PTCHD4: variants seen among roughly 807,000 people sequenced by gnomAD.
PTCHD4 encodes the protein patched domain containing 4.
Under a neutral mutation model 58.1 loss-of-function variants are expected in PTCHD4, and 33 were observed. The ratio of observed to expected loss-of-function variants is 0.57; its 90% CI spans 0.43 to 0.76. PTCHD4 has a LOEUF of 0.76. Ranked by LOEUF, PTCHD4 falls within the 30% of genes least tolerant of loss-of-function variation. PTCHD4 has a pLI of 0.00. For missense variants in PTCHD4, 1,058 were observed against 1,027.1 expected, an observed-to-expected ratio of 1.03 and a Z score of -0.41; for synonymous variants, 478 against 409.6, an observed-to-expected ratio of 1.17 and a Z score of -2.02.
Position 47,913,108 on chromosome 6 carries a change from C to T in PTCHD4, c.899-33172G>A, listed in dbSNP as rs1421737402. On this transcript the variant is annotated intron_variant, in intron 4 of 4. Coordinates refer to ENST00000339488, the MANE Select transcript of PTCHD4 (RefSeq NM_001384253.1). Reference sequence around the variant, plus strand: ...CTGTCATTCTGTTTGGATCCTGGGTCCAGTCCTGGCCCTACCCCATATTGG... The same window carrying T: ...CTGTCATTCTGTTTGGATCCTGGGTTCAGTCCTGGCCCTACCCCATATTGG... 2.0e-5 allele frequency among the ~76,000 whole-genome samples: 3 copies of T among 152,162 alleles called. No homozygotes were observed. The East Asian group carries it at 5.8e-4, about 30-fold the overall frequency.
chr6:48,104,039 C>A (rs1162620939), intron 1 of PTCHD4, among the ~76,000 whole-genome samples: 16 of 151,680 alleles, frequency 1.1e-4, no homozygotes, highest in African/African-American at 3.6e-4. Context: ...AGGATATTAT[C>A]CAGGAGAACT....
At position 47,867,528 on chromosome 6, in the gene PTCHD4, T is replaced by G. The variant is rs1044468969; in HGVS notation, c.*10775A>C. ...AAAATCCAAGTAACTCCCCATATCCTGGCAATGCTTTATAATACCACTCAC... is the reference window on the plus strand; with the variant it reads ...AAAATCCAAGTAACTCCCCATATCCGGGCAATGCTTTATAATACCACTCAC... On this transcript the variant is annotated 3_prime_UTR_variant, in exon 5 of 5. Coordinates refer to ENST00000339488, the MANE Select transcript of PTCHD4 (RefSeq NM_001384253.1). Among the ~76,000 whole-genome samples the G allele has an allele frequency of 2.1e-5, 3 of 142,016 alleles. No homozygotes were observed. The highest frequency in any genetic ancestry group is 7.3e-5 in the African/African-American group (3 of 40,924). The allele number at this position is 142,016 out of a possible 152,430, so 93.2% of individuals were successfully genotyped here. A position where few individuals can be genotyped will look rare whatever the true frequency, so the allele number is the denominator to read the frequency against.
intron 1 of PTCHD4, among the ~76,000 whole-genome samples, chr6:48,102,740 G>A (rs1765633677): frequency 2.0e-5 from 3 of 152,176 alleles, no homozygotes; most frequent in South Asian, 4.1e-4. Flanking sequence ...CTGGAAAATC[G>A]GGTCACTCCC....
intron 4 of PTCHD4, among the ~76,000 whole-genome samples, chr6:47,935,811 C>T (rs1340951581): frequency 2.0e-5 from 3 of 151,908 alleles, no homozygotes; most frequent in East Asian, 1.9e-4. Flanking sequence ...GTAATGAATA[C>T]GTTTATACAA....
intron 4 of PTCHD4, chr6:47,899,657 A>G: frequency 1.5e-6 from 1 of 655,998 alleles, no homozygotes; most frequent in Non-Finnish European, 1.9e-6. Flanking sequence ...CAATTCATTG[A>G]TTAAAAGTGT....
At chr6:47,991,396 A>T (rs1420976645) in intron 4 of PTCHD4, among the ~76,000 whole-genome samples, 1 of 152,164 alleles carries the variant, frequency 6.6e-6, no homozygotes, top group Non-Finnish European at 1.5e-5. Context: ...AGGACCAAAA[A>T]GACATTCTGA....
At chr6:47,890,033 GTA>G (rs1247288874) in intron 4 of PTCHD4, among the ~76,000 whole-genome samples, 20 of 150,818 alleles carry the variant, frequency 1.3e-4, no homozygotes, top group East Asian at 1.2e-3. Flanking sequence ...GTGTATGTGT[GTA>G]TATATATATA....
intron 4 of PTCHD4, among the ~76,000 whole-genome samples, chr6:48,003,633 T>C (rs1768825208): frequency 6.6e-6 from 1 of 152,214 alleles, no homozygotes; most frequent in Non-Finnish European, 1.5e-5. Context: ...ATTTATGTAA[T>C]GTAGACAAAA....
chr6:48,092,692 G>GA (rs981991770), intron 1 of PTCHD4, among the ~76,000 whole-genome samples: 3 of 152,164 alleles, frequency 2.0e-5, no homozygotes, highest in African/African-American at 7.2e-5. Context: ...TGATAGGGCA[G>GA]AAAGGGTCAG....
rs1175044949 is a variant in PTCHD4, at chr6:47,877,269, T to C, written c.*1034A>G. ...TTTTCCCTATCTAAAATAAGAACGG[T>C]GTAACTATGGAGTACCCCAACTCAC... is the stretch of plus-strand genomic sequence containing the variant. On this transcript the variant is annotated 3_prime_UTR_variant, in exon 5 of 5. Transcript: ENST00000339488. Among the ~76,000 whole-genome samples the C allele has an allele frequency of 2.6e-5, 4 of 152,002 alleles. No individual in the cohort carries two copies. Among genetic ancestry groups the C allele is most frequent in the Admixed American group, 2.6e-4 (4 of 15,236 alleles).
intron 4 of PTCHD4, among the ~76,000 whole-genome samples, chr6:47,904,766 GCAAT>G (rs1764822668): frequency 6.6e-6 from 1 of 152,070 alleles, no homozygotes; most frequent in Admixed American, 6.6e-5. Context: ...AAAACATTTA[GCAAT>G]CAAAGTTTAA....
intron 4 of PTCHD4, among the ~76,000 whole-genome samples, chr6:47,888,110 T>A (rs1211678): frequency 6.6e-6 from 1 of 152,050 alleles, no homozygotes; most frequent in Non-Finnish European, 1.5e-5. Context: ...GTAATCCCAG[T>A]ACTTTGGGAG....
intron 3 of PTCHD4, among the ~76,000 whole-genome samples, chr6:48,032,175 A>AAAAC (rs553734817): frequency 8.5e-5 from 13 of 152,094 alleles, no homozygotes; most frequent in South Asian, 2.1e-4. Flanking sequence ...TGTATGAAAA[A>AAAAC]AAAACATTCT....
rs1444105228 is a variant in PTCHD4, at chr6:47,862,450, A to G, written c.*15853T>C. 6.6e-6 allele frequency among the ~76,000 whole-genome samples: 1 copy of G among 151,764 alleles called. No individual in the cohort carries two copies. Among genetic ancestry groups the G allele is most frequent in the African/African-American group, 2.4e-5 (1 of 41,384 alleles). ...AATTTTTCAATTATTCTAGAATGCT[A>G]TATCATTTTCAAAAGAATGAAAAAT... On this transcript the variant is annotated 3_prime_UTR_variant, in exon 5 of 5. Transcript: ENST00000339488.
chr6:47,904,821 A>G (rs1561949370), intron 4 of PTCHD4, among the ~76,000 whole-genome samples: 2 of 152,226 alleles, frequency 1.3e-5, no homozygotes, highest in Non-Finnish European at 1.5e-5. Context: ...TTTAGTAAGT[A>G]TAAATTACAA....
rs973583449 is a variant in PTCHD4, at chr6:47,921,151, T to G, written c.899-41215A>C. Among the ~76,000 whole-genome samples the G allele has an allele frequency of 3.3e-4, 50 of 152,216 alleles. 2 individuals carry two copies. The highest frequency in any genetic ancestry group is 2.4e-5 in the African/African-American group (1 of 41,468). ...TATGATCTTATGACAAAAATAAATT[T>G]GTAGTCCCACTGCTTCAAGATAGTT... On this transcript the variant is annotated intron_variant, in intron 4 of 4. Coordinates refer to ENST00000339488, the MANE Select transcript of PTCHD4 (RefSeq NM_001384253.1).
chr6:47,933,275 T>A (rs1765884329), intron 4 of PTCHD4, among the ~76,000 whole-genome samples: 1 of 152,188 alleles, frequency 6.6e-6, no homozygotes, highest in Admixed American at 6.6e-5. Context: ...TTCAATAACT[T>A]CAGATGCATT....
chr6:47,911,052 T>A (rs185647559), intron 4 of PTCHD4, among the ~76,000 whole-genome samples: 17 of 152,222 alleles, frequency 1.1e-4, no homozygotes, highest in African/African-American at 4.1e-4. Context: ...AGCCAAAGAA[T>A]GATTAGTGCT....
intron 4 of PTCHD4, among the ~76,000 whole-genome samples, chr6:47,929,693 C>T (rs530547068): frequency 2.0e-5 from 3 of 152,360 alleles, no homozygotes; most frequent in Admixed American, 6.5e-5. Flanking sequence ...GAAGCAGGCT[C>T]TTAAATGCTC....
Sources: allele counts gnomAD v4.1 joint callset (sites outside exome capture counted in the v4.1 genomes callset), GRCh38; gene constraint gnomAD v4.1.1; transcripts MANE v1.5; gene names NCBI Gene and HGNC (gene_info 2026-07-23, HGNC 2026-07-21).